MAX: variants seen among roughly 807,000 people sequenced by gnomAD.
The protein encoded by MAX is protein max.
Under a neutral mutation model 22.3 loss-of-function variants are expected in MAX, and 3 were observed. That is an observed-to-expected ratio of 0.13 (90% CI 0.06 to 0.35). MAX has a LOEUF of 0.35. Among genes scored for constraint, MAX ranks in the 10% least tolerant of loss-of-function variants. The probability of loss-of-function intolerance (pLI) is 1.00; values close to 1 mark genes in which losing one functional copy is unlikely to be tolerated. For synonymous variants in MAX, 72 were observed against 77.7 expected (o/e 0.93, Z 0.39); for missense variants, 119 against 209.4 (o/e 0.57, Z 2.66).
intron 3 of MAX, among the ~76,000 whole-genome samples, chr14:65,006,914 A>T (rs905955118): frequency 1.3e-5 from 2 of 152,130 alleles, no homozygotes; most frequent in African/African-American, 4.8e-5. Flanking sequence ...AAATCCCCTG[A>T]TTCATAGCTG....
At chr14:65,058,745 A>G (rs1174091975) in intron 3 of MAX, among the ~76,000 whole-genome samples, 2 of 152,130 alleles carry the variant, frequency 1.3e-5, no homozygotes, top group African/African-American at 2.4e-5. Context: ...GATATGTTTC[A>G]TTAATATTCT....
Position 65,082,798 on chromosome 14 carries a change from A to G in MAX, c.172-4762T>C, listed in dbSNP as rs926566820. On this transcript the variant is annotated intron_variant, in intron 3 of 4. Transcript: ENST00000358664. This position sits in a 1 kb window ranked among gnomAD's most constrained non-coding sequence, Gnocchi z 4.8. The stretch of plus-strand genomic sequence containing the variant: ...AAAAAAGTGAAAAATGGTAGTTTGT[A>G]ATAGCAGGATAGCAGCATTGAAGGA... Among the ~76,000 whole-genome samples the G allele has an allele frequency of 2.6e-5, 4 of 152,180 alleles. No homozygotes were observed. The East Asian group carries it at 7.7e-4, about 29-fold the overall frequency.
chr14:65,079,706 T>C lies in MAX; in HGVS notation c.172-1670A>G, dbSNP rs2063155690. On this transcript the variant is annotated intron_variant, in intron 3 of 4. Transcript: ENST00000358664. The surrounding 1 kb of genome is among the most constrained non-coding windows in gnomAD (Gnocchi z 4.5). ...CAGCGGGAGAAAGACAAAGAAAACA[T>C]GTACACCGTGGCTAGCAAAACCAGA... 1.3e-5 allele frequency among the ~76,000 whole-genome samples: 2 copies of C among 152,248 alleles called. No individual in the cohort carries two copies. Among genetic ancestry groups the C allele is most frequent in the East Asian group, 1.9e-4 (1 of 5,180 alleles).
chr14:65,036,685 G>A (rs981938614), intron 3 of MAX, among the ~76,000 whole-genome samples: 6 of 149,974 alleles, frequency 4.0e-5, no homozygotes, highest in South Asian at 2.1e-4. Context: ...CTTCTTTAGC[G>A]GCTTGGAATC....
At chr14:65,015,750 C>T (rs2139525452) in intron 3 of MAX, 1 of 1,601,192 alleles carries the variant, frequency 6.2e-7, no homozygotes, top group Non-Finnish European at 8.5e-7. Context: ...GGGGTGTTCT[C>T]TGAAATTGTA....
chr14:65,073,422 T>C (rs1293068178), downstream of MAX, among the ~76,000 whole-genome samples: 2 of 152,194 alleles, frequency 1.3e-5, no homozygotes, highest in East Asian at 3.8e-4. Context: ...TTGTTGATGT[T>C]TTACAATGGG....
chr14:65,011,155 G>A lies in MAX; in HGVS notation c.172-4871C>T, dbSNP rs2061676993. Among the ~76,000 whole-genome samples, 1 of 152,214 alleles carries A rather than the reference G, an allele frequency of 6.6e-6. No homozygotes were observed. The highest frequency in any genetic ancestry group is 2.4e-5 in the African/African-American group (1 of 41,454). ...GTAAAGACTACATGAAGGGCTGGGT[G>A]CGGTGGCTCACGCCTGTAATCCCAG... On this transcript the variant is annotated intron_variant, in intron 3 of 3. Transcript: ENST00000341653. This position sits in a 1 kb window ranked among gnomAD's most constrained non-coding sequence, Gnocchi z 4.0.
intron 3 of MAX, among the ~76,000 whole-genome samples, chr14:65,087,246 G>T (rs1258594898): frequency 6.6e-6 from 1 of 152,216 alleles, no homozygotes; most frequent in African/African-American, 2.4e-5. Context: ...GAAATGTGGG[G>T]TCAGAGCCCC....
intron 3 of MAX, among the ~76,000 whole-genome samples, chr14:65,053,558 C>G (rs1209726922): frequency 1.1e-4 from 16 of 151,920 alleles, no homozygotes; most frequent in Non-Finnish European, 2.2e-4. Flanking sequence ...TCTTGTCCCC[C>G]AGCCTGCATG....
chr14:65,077,928 G>A lies in MAX; in HGVS notation c.280C>T (p.Leu94Phe), dbSNP rs1595130897. 1 of 1,614,244 alleles carries A rather than the reference G, an allele frequency of 6.2e-7. No homozygotes were observed. The highest frequency in any genetic ancestry group is 8.5e-7 in the Non-Finnish European group (1 of 1,180,046). ...DIDDLKRQNA[L>F]LEQQVRALEK... Reference sequence around the variant, plus strand: ...GGGTGCTCACCTTGCTGCTCCAGAAGAGCATTCTGCCGCTTGAGGTCGTCA... The same window carrying A: ...GGGTGCTCACCTTGCTGCTCCAGAAAAGCATTCTGCCGCTTGAGGTCGTCA... Residue 94 changes from leucine (L) to phenylalanine (F), a missense_variant, in exon 4 of 5, where the codon CTT becomes TTT. By Grantham distance (22) the Leu-to-Phe change is conservative. Around this residue, in one of 3 missense-constraint regions of MAX, gnomAD observed 95 missense variants for 148.1 expected, o/e 0.64. Transcript: ENST00000358664. The surrounding 1 kb of genome is among the most constrained non-coding windows in gnomAD (Gnocchi z 6.3).
intron 3 of MAX, among the ~76,000 whole-genome samples, chr14:65,066,821 C>T (rs2062934997): frequency 6.9e-6 from 1 of 144,650 alleles, no homozygotes; most frequent in Non-Finnish European, 1.5e-5. Flanking sequence ...GAGATTGCAC[C>T]CTTGCACTCC....
intron 3 of MAX, among the ~76,000 whole-genome samples, chr14:65,064,995 T>C (rs73270871): frequency 0.17 from 25,447 of 152,266 alleles, 3,538 homozygotes; most frequent in African/African-American, 0.38. Flanking sequence ...TATCTCTCTT[T>C]GCCCCAGTAA....
intron 3 of MAX, among the ~76,000 whole-genome samples, chr14:65,089,136 T>C (rs764281748): frequency 6.6e-6 from 1 of 152,178 alleles, no homozygotes; most frequent in African/African-American, 2.4e-5. Flanking sequence ...CACAAGGTCT[T>C]ACTTATATAG....
intron 3 of MAX, among the ~76,000 whole-genome samples, chr14:65,017,446 C>T (rs2061797582): frequency 6.6e-6 from 1 of 152,134 alleles, no homozygotes; most frequent in Admixed American, 6.5e-5. Flanking sequence ...GAGAGAATCA[C>T]AGGGGGTGCC....
chr14:65,026,282 C>T (rs1459306185), intron 3 of MAX, among the ~76,000 whole-genome samples: 7 of 152,168 alleles, frequency 4.6e-5, no homozygotes, highest in African/African-American at 7.2e-5. Context: ...CGGAAGACCC[C>T]GGACTGATGA....
intron 2 of MAX, among the ~76,000 whole-genome samples, chr14:65,098,967 A>G (rs561761742): frequency 2.0e-5 from 3 of 152,304 alleles, no homozygotes; most frequent in African/African-American, 7.2e-5. Context: ...CCCTTTTCAA[A>G]TAACTTTTTC....
At position 65,054,736 on chromosome 14, in the gene MAX, C is replaced by A. The variant is rs368990812; in HGVS notation, c.171+38972G>T. On this transcript the variant is annotated intron_variant, in intron 3 of 3. Coordinates refer to the MAX transcript ENST00000341653. This position sits in a 1 kb window ranked among gnomAD's most constrained non-coding sequence, Gnocchi z 4.4. ...ACACCCCTTCTCCACAGGGACCTCG[C>A]GGACAGAAGGCTTTCCAAGTAAGCA... The A allele has an allele frequency of 6.7e-5, 104 of 1,551,510 alleles. No individual in the cohort carries two copies. The highest frequency in any genetic ancestry group is 1.9e-4 in the South Asian group (16 of 85,114).
chr14:65,024,755 A>C (rs555900504), intron 3 of MAX, among the ~76,000 whole-genome samples: 1 of 152,186 alleles, frequency 6.6e-6, no homozygotes, highest in Non-Finnish European at 1.5e-5. Flanking sequence ...TCTCTATGAT[A>C]AGTTTTTCTC....
chr14:65,093,023 C>G lies in MAX; in HGVS notation c.171+685G>C, dbSNP rs139759287. The stretch of plus-strand genomic sequence containing the variant: ...CCAAATTCCAGGGAGTGACCCTAAC[C>G]CATAGGCTTTTACTCAAAGCTTCTA... On this transcript the variant is annotated intron_variant, in intron 3 of 4. Coordinates refer to ENST00000358664, the MANE Select transcript of MAX (RefSeq NM_002382.5). The surrounding 1 kb of genome is among the most constrained non-coding windows in gnomAD (Gnocchi z 4.4). Among the ~76,000 whole-genome samples the G allele has an allele frequency of 3.3e-3, 501 of 152,334 alleles. 3 individuals carry two copies. The highest frequency in any genetic ancestry group is 0.012 in the African/African-American group (488 of 41,572).
Sources: gnomAD v4.1 joint callset for allele counts (sites outside exome capture counted in the v4.1 genomes callset) on GRCh38, gnomAD v4.1.1 for gene constraint, gnomAD v4.1.1 regional missense constraint, Gnocchi (gnomAD v3.1) non-coding constraint, MANE v1.5 for transcripts, NCBI Gene and HGNC (gene_info 2026-07-23, HGNC 2026-07-21) for gene names.